The following CLSTN2 variants were observed in gnomAD, a reference collection of about 807,000 sequenced individuals.
CLSTN2 encodes the protein calsyntenin-2.
CLSTN2 carries 48 observed loss-of-function variants against 101.2 expected under a neutral mutation model. The ratio of observed to expected loss-of-function variants is 0.47; its 90% CI spans 0.38 to 0.60. The LOEUF is 0.60. Among genes scored for constraint, CLSTN2 ranks in the 20% least tolerant of loss-of-function variants. The pLI is 0.00. For synonymous variants in CLSTN2, 481 were observed against 463.6 expected (o/e 1.04, Z -0.48); for missense variants, 1,160 against 1,238.2 (o/e 0.94, Z 0.95).
chr3:139,962,204 CA>C (rs1935522586), intron 1 of CLSTN2, among the ~76,000 whole-genome samples: 1 of 152,110 alleles, frequency 6.6e-6, no homozygotes, highest in Non-Finnish European at 1.5e-5. Context: ...AACTGCTTTT[CA>C]AGAGGGATCC....
At chr3:140,505,204 T>A (rs1380215912) in intron 8 of CLSTN2, among the ~76,000 whole-genome samples, 1 of 152,118 alleles carries the variant, frequency 6.6e-6, no homozygotes, top group African/African-American at 2.4e-5. Context: ...CAGATGTGGC[T>A]GGAATGGGTT....
intron 2 of CLSTN2, among the ~76,000 whole-genome samples, chr3:140,392,751 A>C (rs1217969718): frequency 6.6e-6 from 1 of 152,164 alleles, no homozygotes; most frequent in Admixed American, 6.5e-5. Context: ...AGAGGAAAAA[A>C]ATAAATTTAA....
Position 140,230,315 on chromosome 3 carries a change from T to A in CLSTN2, c.232+54242T>A, listed in dbSNP as rs1046307001. 3.3e-5 allele frequency among the ~76,000 whole-genome samples: 5 copies of A among 152,218 alleles called. No homozygotes were observed. The South Asian group carries it at 8.3e-4, about 25-fold the overall frequency. ...GGATAGCATCATAAGAGCAAAGGCATATGTCAAACCAGTGGGTATTTTAGA... is the reference window on the plus strand; with the variant it reads ...GGATAGCATCATAAGAGCAAAGGCAAATGTCAAACCAGTGGGTATTTTAGA... On this transcript the variant is annotated intron_variant, in intron 2 of 16. Coordinates refer to ENST00000458420, the MANE Select transcript of CLSTN2 (RefSeq NM_022131.3).
intron 1 of CLSTN2, among the ~76,000 whole-genome samples, chr3:139,966,031 G>T (rs17337414): frequency 0.59 from 89,883 of 152,044 alleles, 28,412 homozygotes; most frequent in Middle Eastern, 0.77. Flanking sequence ...GAAGAACTGG[G>T]CCAGGGTCAA....
At chr3:140,194,771 G>A (rs1365463547) in intron 2 of CLSTN2, among the ~76,000 whole-genome samples, 1 of 152,166 alleles carries the variant, frequency 6.6e-6, no homozygotes, top group East Asian at 1.9e-4. Context: ...CATTATTGCT[G>A]GGTAAGAGTG....
intron 2 of CLSTN2, among the ~76,000 whole-genome samples, chr3:140,217,985 A>G (rs954544616): frequency 2.6e-5 from 4 of 152,244 alleles, no homozygotes; most frequent in African/African-American, 9.6e-5. Context: ...TTGATGACTC[A>G]ATATACATGA....
intron 7 of CLSTN2, among the ~76,000 whole-genome samples, chr3:140,466,052 A>C (rs927134397): frequency 6.6e-6 from 1 of 152,180 alleles, no homozygotes; most frequent in Admixed American, 6.5e-5. Context: ...TCACAAAACT[A>C]TCTCTAATGC....
intron 1 of CLSTN2, among the ~76,000 whole-genome samples, chr3:140,001,967 G>C (rs2006850771): frequency 6.6e-6 from 1 of 152,014 alleles, no homozygotes; most frequent in South Asian, 2.1e-4. Flanking sequence ...TCTTTTTTAT[G>C]GCAGAATAGT....
intron 2 of CLSTN2, among the ~76,000 whole-genome samples, chr3:140,299,534 T>C (rs2087037280): frequency 6.6e-6 from 1 of 152,174 alleles, no homozygotes; most frequent in African/African-American, 2.4e-5. Context: ...GTCAGGGAAG[T>C]AGCAGAGCCT....
intron 2 of CLSTN2, among the ~76,000 whole-genome samples, chr3:140,353,082 C>A (rs1167368866): frequency 6.6e-6 from 1 of 151,940 alleles, no homozygotes; most frequent in South Asian, 2.1e-4. Flanking sequence ...TATAAGTAAT[C>A]TAGAGATTAC....
At chr3:140,117,613 A>G (rs943481470) in intron 1 of CLSTN2, among the ~76,000 whole-genome samples, 2 of 152,212 alleles carry the variant, frequency 1.3e-5, no homozygotes, top group African/African-American at 2.4e-5. Flanking sequence ...TATAAACAAT[A>G]CTTACTGTTG....
intron 8 of CLSTN2, among the ~76,000 whole-genome samples, chr3:140,480,194 T>G (rs1245947406): frequency 2.0e-5 from 3 of 151,482 alleles, no homozygotes; most frequent in Non-Finnish European, 4.4e-5. Context: ...GAACATGCAG[T>G]GTTTGGTTTT....
rs1222373994 is a variant in CLSTN2, at chr3:140,354,495, A to G, written c.233-49134A>G. 3.9e-5 allele frequency among the ~76,000 whole-genome samples: 6 copies of G among 152,202 alleles called. No individual in the cohort carries two copies. In the East Asian group the frequency reaches 1.2e-3, roughly 29 times the overall value. On this transcript the variant is annotated intron_variant, in intron 2 of 16. Transcript: ENST00000458420. ...CATTCATGATTCCACCCACATTGACAAATTTCCTAGAGCTCTGAGTGGCAC... is the reference window on the plus strand; with the variant it reads ...CATTCATGATTCCACCCACATTGACGAATTTCCTAGAGCTCTGAGTGGCAC...
At chr3:140,517,838 G>A (rs1392695033) in intron 8 of CLSTN2, among the ~76,000 whole-genome samples, 1 of 152,126 alleles carries the variant, frequency 6.6e-6, no homozygotes, top group Admixed American at 6.6e-5. Flanking sequence ...CATCAGCTGT[G>A]GTGGTAATAT....
chr3:140,347,381 TA>T (rs2087559854), intron 2 of CLSTN2, among the ~76,000 whole-genome samples: 1 of 152,182 alleles, frequency 6.6e-6, no homozygotes, highest in Non-Finnish European at 1.5e-5. Context: ...TAATGACTGT[TA>T]ACAAGGAGGT....
intron 1 of CLSTN2, among the ~76,000 whole-genome samples, chr3:140,112,965 G>T (rs776963842): frequency 2.0e-5 from 3 of 152,142 alleles, no homozygotes; most frequent in Non-Finnish European, 4.4e-5. Flanking sequence ...TGTGTTTGTA[G>T]TAATTTCCAG....
At chr3:140,072,834 C>T (rs1261047295) in intron 1 of CLSTN2, among the ~76,000 whole-genome samples, 2 of 152,200 alleles carry the variant, frequency 1.3e-5, no homozygotes, top group Non-Finnish European at 2.9e-5. Context: ...AGAACAGAGA[C>T]ATTTTTCCTG....
intron 10 of CLSTN2, among the ~76,000 whole-genome samples, 165 bp downstream of exon 10, chr3:140,546,846 A>T (rs1344509619): frequency 6.6e-6 from 1 of 152,172 alleles, no homozygotes; most frequent in Non-Finnish European, 1.5e-5. Context: ...GGAGATTAGT[A>T]ACCATGACTT....
chr3:140,486,839 A>T (rs1207101733), intron 8 of CLSTN2, among the ~76,000 whole-genome samples: 1 of 152,248 alleles, frequency 6.6e-6, no homozygotes, highest in South Asian at 2.1e-4. Context: ...AGTTGGGCAC[A>T]TGTCCAGAGT....
Sources: gnomAD v4.1 joint callset for allele counts (sites outside exome capture counted in the v4.1 genomes callset) on GRCh38, gnomAD v4.1.1 for gene constraint, MANE v1.5 for transcripts, NCBI Gene and HGNC (gene_info 2026-07-23, HGNC 2026-07-21) for gene names.